SBF2: variants seen among roughly 807,000 people sequenced by gnomAD.
SBF2 encodes the protein SET binding factor 2.
A neutral mutation model predicts 225.2 loss-of-function variants in SBF2; 112 were observed. The observed-to-expected ratio is 0.50, with a 90% CI of 0.43 to 0.58. The LOEUF (loss-of-function observed/expected upper bound fraction) is 0.58, where lower values mean the gene tolerates loss of function less well. SBF2 is among the 20% of genes least tolerant of loss of function. The pLI is 0.00. For missense variants in SBF2, 1,996 were observed against 2,206.2 expected (o/e 0.90, Z 1.91); for synonymous variants, 763 against 773.3 (o/e 0.99, Z 0.22).
At chr11:9,865,725 G>A (rs933923257) in intron 17 of SBF2, among the ~76,000 whole-genome samples, 1 of 145,922 alleles carries the variant, frequency 6.9e-6, no homozygotes, top group Non-Finnish European at 1.5e-5. Flanking sequence ...AAGGCGGGAG[G>A]CGTTGGGGGG....
intron 2 of SBF2, among the ~76,000 whole-genome samples, chr11:10,107,311 T>C (rs968489405): frequency 6.6e-6 from 1 of 152,204 alleles, no homozygotes; most frequent in Non-Finnish European, 1.5e-5. Flanking sequence ...TACATATAAA[T>C]GGAATACTAT....
chr11:10,055,027 A>G (rs1233649096), intron 2 of SBF2, among the ~76,000 whole-genome samples: 2 of 152,008 alleles, frequency 1.3e-5, no homozygotes, highest in Non-Finnish European at 2.9e-5. Context: ...ATCTTGCCTC[A>G]GTCTCCTGGA....
chr11:10,193,755 G>A, intron 2 of SBF2, 147 bp downstream of exon 2: 1 of 683,420 alleles, frequency 1.5e-6, no homozygotes, highest in Non-Finnish European at 2.6e-6. Context: ...GAGGGACTAG[G>A]AGGGAAGATA....
At chr11:9,932,657 T>C (rs1232430956) in intron 16 of SBF2, among the ~76,000 whole-genome samples, 1 of 152,018 alleles carries the variant, frequency 6.6e-6, no homozygotes, top group Non-Finnish European at 1.5e-5. Flanking sequence ...GAACAACCAG[T>C]ACCAGCCACT....
At chr11:10,013,006 A>G (rs1948515171) in intron 6 of SBF2, among the ~76,000 whole-genome samples, 1 of 152,168 alleles carries the variant, frequency 6.6e-6, no homozygotes, top group Admixed American at 6.5e-5. Context: ...ACTGCTGACC[A>G]ATTTTGCATG....
chr11:10,179,565 A>G (rs539039517), intron 2 of SBF2, among the ~76,000 whole-genome samples: 1 of 152,216 alleles, frequency 6.6e-6, no homozygotes, highest in South Asian at 2.1e-4. Context: ...ATTAAGTGTG[A>G]TGTTTCTTTA....
chr11:10,020,914 T>TA lies in SBF2; in HGVS notation c.619+7537dup, dbSNP rs915105053. On this transcript the variant is annotated intron_variant, in intron 6 of 39. Transcript: ENST00000256190. ...TGAACAAAAACTTTTTTAAGAACTTTAAAAAAAAACCCTATATTTAATATC... is the reference window on the plus strand; with the variant it reads ...TGAACAAAAACTTTTTTAAGAACTTTAAAAAAAAAACCCTATATTTAATATC... 2.6e-4 allele frequency among the ~76,000 whole-genome samples: 39 copies of TA among 150,678 alleles called. 2 individuals are homozygous for TA. Among genetic ancestry groups the TA allele is most frequent in the African/African-American group, 6.8e-4 (28 of 41,148 alleles).
chr11:10,051,043 A>C (rs886467474), intron 2 of SBF2, among the ~76,000 whole-genome samples: 6 of 152,154 alleles, frequency 3.9e-5, no homozygotes, highest in African/African-American at 1.4e-4. Context: ...TTTTTCTCAA[A>C]TGCTTTGCAC....
intron 1 of SBF2, among the ~76,000 whole-genome samples, chr11:10,289,194 C>G (rs916681588): frequency 3.3e-5 from 5 of 152,212 alleles, no homozygotes; most frequent in African/African-American, 1.2e-4. Flanking sequence ...TTGGAGCAGG[C>G]GCCTCCAAGC....
At chr11:9,939,734 A>G (rs1234985822) in intron 16 of SBF2, among the ~76,000 whole-genome samples, 1 of 152,224 alleles carries the variant, frequency 6.6e-6, no homozygotes, top group African/African-American at 2.4e-5. Flanking sequence ...GCAACCTGCC[A>G]ATACTTATTA....
intron 1 of SBF2, among the ~76,000 whole-genome samples, chr11:10,201,600 G>T (rs866623188): frequency 6.6e-6 from 1 of 152,170 alleles, no homozygotes; most frequent in African/African-American, 2.4e-5. Flanking sequence ...GTGATTTTCT[G>T]ATTTTCCAGT....
chr11:9,802,446 C>T (rs893804783), intron 32 of SBF2, among the ~76,000 whole-genome samples: 15 of 152,208 alleles, frequency 9.9e-5, no homozygotes, highest in African/African-American at 3.6e-4. Flanking sequence ...TTTATTAGTA[C>T]TAATGGACAA....
chr11:10,038,319 T>C (rs545636397), intron 3 of SBF2, among the ~76,000 whole-genome samples: 61 of 152,136 alleles, frequency 4.0e-4, no homozygotes, highest in Admixed American at 6.5e-4. Context: ...AAACTATATG[T>C]GAGTTAAATA....
rs546891492 is a variant in SBF2, at chr11:9,968,626, G to C, written c.1396-81C>G. ...ACCAGGAAGGGAGTGGGAGCTTACAGGGACACGAGCTGGGTAGTTATACAT... is the reference window on the plus strand; with the variant it reads ...ACCAGGAAGGGAGTGGGAGCTTACACGGACACGAGCTGGGTAGTTATACAT... On this transcript the variant is annotated intron_variant, in intron 13 of 39. Coordinates refer to ENST00000256190, the MANE Select transcript of SBF2 (RefSeq NM_030962.4). 3.6e-6 allele frequency: 4 copies of C among 1,121,422 alleles called. No individual in the cohort carries two copies. In the South Asian group the frequency reaches 4.9e-5, roughly 14 times the overall value. The allele number at this position is 1,121,422 out of a possible 1,614,324, so 69.5% of individuals were successfully genotyped here.
chr11:10,079,830 A>C (rs1332243224), intron 2 of SBF2, among the ~76,000 whole-genome samples: 1 of 152,174 alleles, frequency 6.6e-6, no homozygotes, highest in Non-Finnish European at 1.5e-5. Flanking sequence ...AAAAATTCTA[A>C]AATCAGCAAG....
At chr11:10,025,172 AG>A (rs1269519152) in intron 6 of SBF2, among the ~76,000 whole-genome samples, 1 of 152,188 alleles carries the variant, frequency 6.6e-6, no homozygotes, top group Non-Finnish European at 1.5e-5. Context: ...TTGGAGGTCT[AG>A]AATGTAGTTA....
intron 16 of SBF2, among the ~76,000 whole-genome samples, chr11:9,897,434 A>T (rs1461099302): frequency 6.6e-6 from 1 of 151,884 alleles, no homozygotes. Flanking sequence ...GACGGGGTTT[A>T]ACTCCTGACC....
intron 6 of SBF2, chr11:10,016,480 T>TATC (rs777638723): frequency 9.9e-5 from 15 of 151,920 alleles, no homozygotes; most frequent in African/African-American, 3.6e-4. Flanking sequence ...AGTTTTACAT[T>TATC]ATTATTATTA....
chr11:9,818,212 T>A (rs1213552615), intron 28 of SBF2, among the ~76,000 whole-genome samples: 1 of 152,214 alleles, frequency 6.6e-6, no homozygotes, highest in Non-Finnish European at 1.5e-5. Context: ...CCCAAAGTGC[T>A]GGGATTACAG....
Sources: gnomAD v4.1 joint callset for allele counts (sites outside exome capture counted in the v4.1 genomes callset) on GRCh38, gnomAD v4.1.1 for gene constraint, MANE v1.5 for transcripts, NCBI Gene and HGNC (gene_info 2026-07-23, HGNC 2026-07-21) for gene names.